CSTPP1: variants seen among roughly 807,000 people sequenced by gnomAD.
CSTPP1 encodes the protein centriolar satellite-associated tubulin polyglutamylase complex regulator 1.
the CSTPP1 span, among the ~76,000 whole-genome samples, chr11:46,959,615 C>T: frequency 6.6e-6 from 1 of 152,120 alleles, no homozygotes; most frequent in Non-Finnish European, 1.5e-5. Context: ...GTGCCTGATA[C>T]CTACTGTTCC....
At chr11:47,150,176 C>T in the CSTPP1 span, among the ~76,000 whole-genome samples, 36 of 152,072 alleles carry the variant, frequency 2.4e-4, no homozygotes, top group African/African-American at 8.0e-4. Flanking sequence ...CTGTCCAGAC[C>T]TGAAGGTAGT....
the CSTPP1 span, among the ~76,000 whole-genome samples, chr11:47,116,803 C>G: frequency 6.6e-6 from 1 of 151,650 alleles, no homozygotes; most frequent in Non-Finnish European, 1.5e-5. Context: ...CCTCAGCCTC[C>G]CGAGTAGCTG....
chr11:47,069,125 A>G, the CSTPP1 span, among the ~76,000 whole-genome samples: 1 of 152,228 alleles, frequency 6.6e-6, no homozygotes, highest in Admixed American at 6.5e-5. Context: ...TTAAACTTTT[A>G]TAGAAACTTC....
At chr11:46,957,472 A>G in the CSTPP1 span, among the ~76,000 whole-genome samples, 115,103 of 152,046 alleles carry the variant, frequency 0.76, 44,277 homozygotes, top group African/African-American at 0.83. Flanking sequence ...GTTTAGATAC[A>G]TATAAAATTC....
the CSTPP1 span, chr11:47,159,990 G>A: frequency 6.8e-6 from 2 of 294,440 alleles, no homozygotes; most frequent in African/African-American, 2.2e-5. Flanking sequence ...GACAACAAGA[G>A]CGAAACTCCA....
chr11:46,960,706 G>A, the CSTPP1 span, among the ~76,000 whole-genome samples: 1 of 152,092 alleles, frequency 6.6e-6, no homozygotes, highest in African/African-American at 2.4e-5. Context: ...CAAAAAATTA[G>A]CCAGGCATGG....
the CSTPP1 span, among the ~76,000 whole-genome samples, chr11:47,026,484 G>A: frequency 6.6e-6 from 1 of 152,098 alleles, no homozygotes; most frequent in Non-Finnish European, 1.5e-5. Context: ...TTGGAAGACA[G>A]GAAGAAATCA....
the CSTPP1 span, among the ~76,000 whole-genome samples, chr11:47,020,848 T>G: frequency 6.6e-6 from 1 of 152,230 alleles, no homozygotes; most frequent in African/African-American, 2.4e-5. Context: ...ATCTGTGTCC[T>G]GTGGTTGCCT....
At chr11:47,070,426 G>T in the CSTPP1 span, among the ~76,000 whole-genome samples, 24 of 152,268 alleles carry the variant, frequency 1.6e-4, no homozygotes, top group African/African-American at 3.6e-4. Context: ...GACACCTTGG[G>T]GAGGTTGTCA....
the CSTPP1 span, among the ~76,000 whole-genome samples, chr11:47,110,693 C>T: frequency 6.6e-6 from 1 of 152,130 alleles, no homozygotes; most frequent in African/African-American, 2.4e-5. Context: ...GAAACTGGCA[C>T]AATTTAAAGC....
the CSTPP1 span, among the ~76,000 whole-genome samples, chr11:46,947,077 C>T: frequency 6.6e-6 from 1 of 152,110 alleles, no homozygotes; most frequent in Non-Finnish European, 1.5e-5. Flanking sequence ...TGATTTATAC[C>T]TAAAGTTAAT....
chr11:46,963,686 G>A, the CSTPP1 span, among the ~76,000 whole-genome samples: 1 of 151,570 alleles, frequency 6.6e-6, no homozygotes, highest in Admixed American at 6.6e-5. Flanking sequence ...TCCGGAGGCT[G>A]AGGCATGAGA....
the CSTPP1 span, among the ~76,000 whole-genome samples, chr11:46,946,425 A>G: frequency 6.6e-6 from 1 of 152,200 alleles, no homozygotes. Context: ...TTGGGAGGCC[A>G]AGGCGGGTGG....
chr11:46,997,324 C>T, the CSTPP1 span, among the ~76,000 whole-genome samples: 4 of 152,170 alleles, frequency 2.6e-5, no homozygotes, highest in Non-Finnish European at 5.9e-5. Flanking sequence ...ATCACTCTTA[C>T]CCTTTTTTCC....
chr11:47,081,935 CT>C, the CSTPP1 span, among the ~76,000 whole-genome samples: 3,728 of 133,228 alleles, frequency 0.028, 117 homozygotes, highest in African/African-American at 0.08. Flanking sequence ...ACAAAAAAAC[CT>C]TTTTTTTTTT....
chr11:46,986,690 A>C, the CSTPP1 span, among the ~76,000 whole-genome samples: 2 of 151,652 alleles, frequency 1.3e-5, no homozygotes, highest in South Asian at 4.2e-4. Context: ...CTGGTCTCGA[A>C]CTCCTGACCT....
chr11:47,058,430 A>G, the CSTPP1 span, among the ~76,000 whole-genome samples: 1 of 152,204 alleles, frequency 6.6e-6, no homozygotes, highest in Non-Finnish European at 1.5e-5. Context: ...ACAGATCCAG[A>G]AATGACAGAG....
the CSTPP1 span, among the ~76,000 whole-genome samples, chr11:47,059,495 A>T: frequency 6.6e-6 from 1 of 152,194 alleles, no homozygotes; most frequent in Non-Finnish European, 1.5e-5. Context: ...AAGGCTATAA[A>T]GGTGCAAAGA....
the CSTPP1 span, among the ~76,000 whole-genome samples, chr11:47,140,046 A>C: frequency 6.6e-6 from 1 of 152,192 alleles, no homozygotes; most frequent in South Asian, 2.1e-4. Context: ...CATTGCTCCC[A>C]GTGACAGACA....
Sources: allele counts gnomAD v4.1 joint callset (sites outside exome capture counted in the v4.1 genomes callset), GRCh38; gene constraint gnomAD v4.1.1; transcripts MANE v1.5; gene names NCBI Gene and HGNC (gene_info 2026-07-23, HGNC 2026-07-21).